Variants in FOCAD observed in about 807,000 individuals in gnomAD.
FOCAD encodes the protein KIAA1797.
FOCAD carries 198 observed loss-of-function variants against 225.6 expected under a neutral mutation model. The ratio of observed to expected loss-of-function variants is 0.88; its 90% CI spans 0.78 to 0.99. The LOEUF (loss-of-function observed/expected upper bound fraction) is 0.99. FOCAD is among the 50% of genes least tolerant of loss of function. The probability of loss-of-function intolerance (pLI) is 0.00; values close to 1 mark genes in which losing one functional copy is unlikely to be tolerated. For missense variants in FOCAD, 2,713 were observed against 2,123.6 expected, an observed-to-expected ratio of 1.28 and a Z score of -5.46; for synonymous variants, 897 against 755.0, an observed-to-expected ratio of 1.19 and a Z score of -3.08.
At chr9:20,969,344 A>G (rs1839558210) in intron 35 of FOCAD, among the ~76,000 whole-genome samples, 3 of 152,018 alleles carry the variant, frequency 2.0e-5, no homozygotes, top group African/African-American at 4.8e-5. Flanking sequence ...ATACGTCTAG[A>G]TATTCTATCT....
chr9:20,865,645 A>G (rs373781159), intron 16 of FOCAD, among the ~76,000 whole-genome samples: 3 of 152,216 alleles, frequency 2.0e-5, no homozygotes, highest in African/African-American at 7.2e-5. Flanking sequence ...AAAGAGTGAC[A>G]TTTCTGTTAG....
chr9:20,936,483 C>T (rs918099946), intron 28 of FOCAD, among the ~76,000 whole-genome samples: 20 of 152,108 alleles, frequency 1.3e-4, no homozygotes, highest in African/African-American at 4.6e-4. Context: ...GGAACTAGTG[C>T]CACTCACCTG....
At chr9:20,797,977 G>A (rs556578178) in intron 11 of FOCAD, among the ~76,000 whole-genome samples, 94 of 152,334 alleles carry the variant, frequency 6.2e-4, no homozygotes, top group Admixed American at 3.3e-3. Context: ...GATATTGGCT[G>A]TGGGTTTGTC....
rs944716404 is a variant in FOCAD at position 20,820,372 on chromosome 9, C to G, written c.1609C>G (p.Pro537Ala). ...AATAATACAACTACTTGGAACCACACCACGACTAAGAGCTGTCACTTTGCG... is the reference window on the plus strand; with the variant it reads ...AATAATACAACTACTTGGAACCACAGCACGACTAAGAGCTGTCACTTTGCG... ...LRIIQLLGTT[P>A]RLRAVTLRLL... The change falls in exon 13 of 44, where the codon CCA (proline) becomes GCA (alanine). Residue 537 changes from proline to alanine, a missense_variant. Pro to Ala is a conservative substitution (Grantham distance 27). Coordinates refer to ENST00000338382, the MANE Select transcript of FOCAD (RefSeq NM_001375567.1). 2 of 1,612,744 alleles carry G rather than the reference C, an allele frequency of 1.2e-6. No homozygotes were observed. The highest frequency in any genetic ancestry group is 2.7e-5 in the African/African-American group (2 of 74,810).
intron 2 of FOCAD, 130 bp downstream of exon 2, chr9:20,715,540 T>G (rs1173437665): frequency 2.7e-6 from 1 of 371,846 alleles, no homozygotes; most frequent in Non-Finnish European, 4.5e-6. Context: ...GTGAAACAAC[T>G]TTAAATATAC....
At chr9:20,974,241 T>A (rs540265606) in intron 35 of FOCAD, among the ~76,000 whole-genome samples, 489 of 120,388 alleles carry the variant, frequency 4.1e-3, no homozygotes, top group African/African-American at 0.013. Context: ...TGTGCTTCTC[T>A]TTTCTGCTGC....
chr9:20,702,900 G>A (rs1824078964), intron 1 of FOCAD, among the ~76,000 whole-genome samples: 1 of 152,086 alleles, frequency 6.6e-6, no homozygotes, highest in South Asian at 2.1e-4. Context: ...CATTTATTCA[G>A]TTAATCTTTA....
At chr9:20,735,887 T>C (rs1403732148) in intron 4 of FOCAD, among the ~76,000 whole-genome samples, 1 of 152,018 alleles carries the variant, frequency 6.6e-6, no homozygotes, top group Non-Finnish European at 1.5e-5. Context: ...TCAAATATTA[T>C]AAAATCACTC....
chr9:20,693,763 T>C (rs972724171), intron 1 of FOCAD, among the ~76,000 whole-genome samples: 1 of 152,236 alleles, frequency 6.6e-6, no homozygotes, highest in African/African-American at 2.4e-5. Context: ...CAGGCTGAAG[T>C]GCAGTGGCAC....
chr9:20,829,170 G>T (rs955515062), intron 15 of FOCAD, among the ~76,000 whole-genome samples: 3 of 151,976 alleles, frequency 2.0e-5, no homozygotes, highest in African/African-American at 2.4e-5. Flanking sequence ...GAAATTGCTG[G>T]GTCAGATGGT....
At chr9:20,676,034 A>G (rs1382495673) in intron 2 of FOCAD, among the ~76,000 whole-genome samples, 2 of 152,236 alleles carry the variant, frequency 1.3e-5, no homozygotes, top group South Asian at 2.1e-4. Flanking sequence ...ATCTGTTAAG[A>G]TGCCTTATAA....
intron 22 of FOCAD, among the ~76,000 whole-genome samples, chr9:20,910,079 A>T (rs1833313891): frequency 6.6e-6 from 1 of 152,104 alleles, no homozygotes; most frequent in Non-Finnish European, 1.5e-5. Flanking sequence ...CGTCTGCTTC[A>T]AGCCTTACCT....
At chr9:20,742,895 C>A (rs1326870173) in intron 5 of FOCAD, among the ~76,000 whole-genome samples, 1 of 152,070 alleles carries the variant, frequency 6.6e-6, no homozygotes, top group Non-Finnish European at 1.5e-5. Flanking sequence ...TTAAGAGGTC[C>A]GTAATCAATC....
In FOCAD at chr9:20,960,003, C is replaced by G. The variant is rs888369986; in HGVS notation, c.4132+6938C>G. The stretch of plus-strand genomic sequence containing the variant: ...CCTTTTTTAATAGTAAGAAAAACTC[C>G]ACATTCCTTTCAACCAGGGGCACTA... On this transcript the variant is annotated intron_variant, in intron 35 of 43. Coordinates refer to ENST00000338382, the MANE Select transcript of FOCAD (RefSeq NM_001375567.1). 3.3e-5 allele frequency among the ~76,000 whole-genome samples: 5 copies of G among 151,936 alleles called. 1 individual carries two copies. The highest frequency in any genetic ancestry group is 1.2e-4 in the African/African-American group (5 of 41,340).
chr9:20,882,716 CAT>C (rs953538803), intron 20 of FOCAD, among the ~76,000 whole-genome samples: 1 of 152,196 alleles, frequency 6.6e-6, no homozygotes, highest in African/African-American at 2.4e-5. Flanking sequence ...TCTTGGCAAT[CAT>C]GTGGAGCAAG....
At chr9:20,958,944 G>T (rs1415860648) in intron 35 of FOCAD, among the ~76,000 whole-genome samples, 1 of 151,938 alleles carries the variant, frequency 6.6e-6, no homozygotes, top group Non-Finnish European at 1.5e-5. Flanking sequence ...ATCTATTGTT[G>T]GACACCTAGA....
chr9:20,765,248 T>G (rs1401197021), intron 7 of FOCAD, among the ~76,000 whole-genome samples, 175 bp downstream of exon 7: 1 of 152,212 alleles, frequency 6.6e-6, no homozygotes, highest in Non-Finnish European at 1.5e-5. Flanking sequence ...AGATTTAATA[T>G]GAATATATTA....
intron 18 of FOCAD, among the ~76,000 whole-genome samples, chr9:20,872,538 C>T (rs934235491): frequency 6.8e-6 from 1 of 147,464 alleles, no homozygotes; most frequent in African/African-American, 2.5e-5. Context: ...TTCCCCTCCC[C>T]CTCCTCCTCT....
intron 15 of FOCAD, among the ~76,000 whole-genome samples, chr9:20,852,188 CT>C (rs1564072115): frequency 6.6e-6 from 1 of 151,774 alleles, no homozygotes. Context: ...GAATCACTAG[CT>C]TTCTAGCACT....
Sources: allele counts gnomAD v4.1 joint callset (sites outside exome capture counted in the v4.1 genomes callset), GRCh38; gene constraint gnomAD v4.1.1; transcripts MANE v1.5; gene names NCBI Gene and HGNC (gene_info 2026-07-23, HGNC 2026-07-21).